Variants in PLS3 observed in about 807,000 individuals in gnomAD.
The protein encoded by PLS3 is plastin 3.
Under a neutral mutation model 46.5 loss-of-function variants are expected in PLS3, and 11 were observed. The observed-to-expected ratio is 0.24, with a 90% CI of 0.15 to 0.39. PLS3 has a LOEUF of 0.39. PLS3 is among the 10% of genes least tolerant of loss of function. The pLI, the probability that PLS3 is intolerant of heterozygous loss-of-function variation, is 1.00. For missense variants in PLS3, 308 were observed against 461.8 expected (o/e 0.67, Z 3.05); for synonymous variants, 167 against 162.2 (o/e 1.03, Z -0.22).
intron 2 of PLS3, chrX:115,621,945 A>T (rs1362544024): frequency 5.1e-6 from 1 of 196,214 alleles, no homozygotes; most frequent in African/African-American, 3.0e-5. Flanking sequence ...TTCTTTTTTT[A>T]AAATCCTATT....
At chrX:115,594,056 G>A (rs782058925) in intron 1 of PLS3, among the ~76,000 whole-genome samples, 89 of 111,578 alleles carry the variant, frequency 8.0e-4, no homozygotes, top group Admixed American at 4.8e-3. Flanking sequence ...TCAAAATTCT[G>A]TAAAATGGAG....
chrX:115,621,454 A>G (rs2074654478), intron 2 of PLS3, among the ~76,000 whole-genome samples: 1 of 112,489 alleles, frequency 8.9e-6, no homozygotes, highest in Admixed American at 9.4e-5. Context: ...ACTTGTGAAC[A>G]TCAAACTTTA....
intron 1 of PLS3, among the ~76,000 whole-genome samples, chrX:115,607,628 G>T (rs1443290240): frequency 9.2e-6 from 1 of 109,066 alleles, no homozygotes; most frequent in Non-Finnish European, 1.9e-5. Flanking sequence ...TCAACCTCCC[G>T]AGTAGCCGGG....
chrX:115,648,473 T>C (rs1456977941), intron 15 of PLS3, among the ~76,000 whole-genome samples: 10 of 111,370 alleles, frequency 9.0e-5, no homozygotes, highest in East Asian at 2.8e-4. Flanking sequence ...ACAGAATGCT[T>C]GCTAGCCCTC....
chrX:115,584,180 T>C (rs1556632156), intron 1 of PLS3, among the ~76,000 whole-genome samples: 1 of 112,065 alleles, frequency 8.9e-6, no homozygotes, highest in Non-Finnish European at 1.9e-5. Context: ...GAAAGTTTAT[T>C]CTTGACTATG....
intron 13 of PLS3, among the ~76,000 whole-genome samples, 190 bp from the exon 14 acceptor site, chrX:115,647,360 G>A (rs782300951): frequency 8.9e-6 from 1 of 112,096 alleles, no homozygotes; most frequent in South Asian, 3.7e-4. Context: ...GTGAACCCGG[G>A]AGGCGGAGCT....
chrX:115,630,219 C>A (rs1356029489), intron 5 of PLS3, among the ~76,000 whole-genome samples: 1 of 111,337 alleles, frequency 9.0e-6, no homozygotes, highest in African/African-American at 3.3e-5. Flanking sequence ...CAGAACATTA[C>A]AACTTTGTTG....
chrX:115,566,544 G>A (rs1442723898), intron 1 of PLS3, among the ~76,000 whole-genome samples: 2 of 109,175 alleles, frequency 1.8e-5, no homozygotes, highest in African/African-American at 3.3e-5. Context: ...GCCCGCCACT[G>A]TGCCCAGCTA....
intron 8 of PLS3, among the ~76,000 whole-genome samples, chrX:115,638,879 A>AT (rs1282107372): frequency 1.8e-5 from 2 of 108,121 alleles, no homozygotes; most frequent in African/African-American, 6.7e-5. Context: ...TGCCTGGCTA[A>AT]TTTTTTTTGT....
At chrX:115,632,215 GAACT>G (rs781972622) in intron 5 of PLS3, among the ~76,000 whole-genome samples, 14 of 111,778 alleles carry the variant, frequency 1.3e-4, no homozygotes, top group Non-Finnish European at 1.7e-4. Flanking sequence ...TAATCATATT[GAACT>G]AACTAAGATT....
intron 5 of PLS3, 41 bp from the exon 6 acceptor site, chrX:115,633,959 C>CTT: frequency 1.4e-6 from 1 of 705,017 alleles, no homozygotes; most frequent in Non-Finnish European, 2.2e-6. Context: ...GAAATCAGCT[C>CTT]TTTTTTTTTA....
At chrX:115,638,152 TC>T in intron 8 of PLS3, among the ~76,000 whole-genome samples, 1 of 110,183 alleles carries the variant, frequency 9.1e-6, no homozygotes, top group Non-Finnish European at 1.9e-5. Flanking sequence ...CCTCTGTCAC[TC>T]AGGCTGGAGT....
rs189268032 is a variant in PLS3 at position 115,630,577 on chromosome X, C to T, written c.500+610C>T. Among the ~76,000 whole-genome samples, 5 of 107,130 alleles carry T rather than the reference C, an allele frequency of 4.7e-5. No individual in the cohort carries two copies. In the East Asian group the frequency reaches 1.4e-3, roughly 31 times the overall value. 93.0% of individuals were successfully genotyped at this position (107,130 alleles called of 115,157 possible). ...CAGTTTCCATCTGTTATGATCTCCA[C>T]ATTATTATACTTATCTCACAGGGCT... On this transcript the variant is annotated intron_variant, in intron 5 of 15. Transcript: ENST00000355899.
At chrX:115,646,582 C>A (rs1360238218) in intron 13 of PLS3, 47 bp downstream of exon 13, 8 of 1,116,081 alleles carry the variant, frequency 7.2e-6, no homozygotes, top group Non-Finnish European at 9.7e-6. Flanking sequence ...TCATACAGGT[C>A]TGTGATTTAG....
chrX:115,574,807 G>A (rs1171504495), intron 1 of PLS3, among the ~76,000 whole-genome samples: 2 of 112,144 alleles, frequency 1.8e-5, no homozygotes, highest in Non-Finnish European at 3.8e-5. Flanking sequence ...TCAGACTCCC[G>A]ACCTCAGGTA....
At chrX:115,642,598 C>T (rs782657441) in intron 9 of PLS3, among the ~76,000 whole-genome samples, 1 of 111,553 alleles carries the variant, frequency 9.0e-6, no homozygotes, top group Non-Finnish European at 1.9e-5. Flanking sequence ...GGAGTCCACT[C>T]TGTCATGAAG....
chrX:115,595,474 T>C (rs1430754463), intron 1 of PLS3, among the ~76,000 whole-genome samples: 2 of 109,911 alleles, frequency 1.8e-5, no homozygotes, highest in Non-Finnish European at 3.8e-5. Context: ...AAATAATTCA[T>C]GGAAGAGAGA....
intron 2 of PLS3, among the ~76,000 whole-genome samples, chrX:115,615,848 G>A (rs782350131): frequency 9.0e-6 from 1 of 111,677 alleles, no homozygotes; most frequent in South Asian, 3.8e-4. Context: ...CACAATATAG[G>A]CAGTATGGTA....
rs1439285419 is a variant in PLS3 at position 115,650,661 on chromosome X, T to C, written c.*1100T>C. 8.9e-6 allele frequency: 1 copy of C among 112,396 alleles called. No individual in the cohort carries two copies. The highest frequency in any genetic ancestry group is 1.9e-5 in the Non-Finnish European group (1 of 53,271). The allele number at this position is 112,396 out of a possible 1,213,427, so 9.3% of individuals were successfully genotyped here. The stretch of plus-strand genomic sequence containing the variant: ...CAATGTAGTAGTTCAAATAAAGGCA[T>C]TTACATAATAATTAGTCTGTTCTTC... On this transcript the variant is annotated 3_prime_UTR_variant, in exon 16 of 16. Coordinates refer to ENST00000355899, the MANE Select transcript of PLS3 (RefSeq NM_005032.7).
Sources: allele counts gnomAD v4.1 joint callset (sites outside exome capture counted in the v4.1 genomes callset), GRCh38; gene constraint gnomAD v4.1.1; transcripts MANE v1.5; gene names NCBI Gene and HGNC (gene_info 2026-07-23, HGNC 2026-07-21).